The following CENPK variants were observed in gnomAD, a reference collection of about 807,000 sequenced individuals.
The protein encoded by CENPK is centromere protein K, also known as SoxLZ/Sox6-binding protein Solt.
CENPK carries 46 observed loss-of-function variants against 40.9 expected under a neutral mutation model. The observed-to-expected ratio is 1.13, with a 90% CI of 0.89 to 1.44. The LOEUF (loss-of-function observed/expected upper bound fraction) is 1.44, where lower values mean the gene tolerates loss of function less well. Among genes scored for constraint, CENPK ranks in the 40% most tolerant of loss-of-function variants. The pLI, the probability that CENPK is intolerant of heterozygous loss-of-function variation, is 0.00. For synonymous variants in CENPK, 107 were observed against 104.4 expected (o/e 1.02, Z -0.15); for missense variants, 288 against 303.5 (o/e 0.95, Z 0.38).
Position 65,529,200 on chromosome 5 carries a change from C to T in CENPK, c.289-1G>A, listed in dbSNP as rs761154317. On this transcript the variant is annotated splice_acceptor_variant, in intron 6 of 10. Coordinates refer to ENST00000396679, the MANE Select transcript of CENPK (RefSeq NM_022145.5). LOFTEE classifies it high-confidence loss of function. ...CAAGATCTTGTCTCAGCTTTTGGAACTAGAATAAAATAATTCAAATTAATT... is the reference window on the plus strand; with the variant it reads ...CAAGATCTTGTCTCAGCTTTTGGAATTAGAATAAAATAATTCAAATTAATT... 2.5e-6 allele frequency: 4 copies of T among 1,590,248 alleles called. No individual in the cohort carries two copies. The highest frequency in any genetic ancestry group is 3.4e-6 in the Non-Finnish European group (4 of 1,162,830).
At chr5:65,524,191 C>T (rs1056874379) in intron 9 of CENPK, among the ~76,000 whole-genome samples, 5 of 149,160 alleles carry the variant, frequency 3.4e-5, no homozygotes, top group East Asian at 2.0e-4. Context: ...CTGGCTTACA[C>T]GGTGAAACCC....
chr5:65,508,582 C>G, the CENPK span, among the ~76,000 whole-genome samples: 1 of 151,962 alleles, frequency 6.6e-6, no homozygotes, highest in South Asian at 2.1e-4. Flanking sequence ...GTCAGGAGTT[C>G]GACACCAGCC....
At chr5:65,543,538 T>C (rs138903646) in intron 5 of CENPK, among the ~76,000 whole-genome samples, 1 of 152,290 alleles carries the variant, frequency 6.6e-6, no homozygotes, top group Admixed American at 6.5e-5. Context: ...ATTATATTCA[T>C]CTTACTTTCA....
At chr5:65,537,477 T>C (rs1359732212) in intron 6 of CENPK, among the ~76,000 whole-genome samples, 1 of 152,068 alleles carries the variant, frequency 6.6e-6, no homozygotes, top group Non-Finnish European at 1.5e-5. Context: ...GCTAATTTTT[T>C]TGTATTTTAG....
intron 6 of CENPK, among the ~76,000 whole-genome samples, chr5:65,534,343 T>A (rs991629696): frequency 1.3e-5 from 2 of 152,146 alleles, no homozygotes; most frequent in African/African-American, 4.8e-5. Context: ...CAATCAAAGT[T>A]CCAGCTTTTT....
the CENPK span, among the ~76,000 whole-genome samples, chr5:65,507,133 C>A: frequency 7.2e-5 from 11 of 152,058 alleles, no homozygotes; most frequent in Non-Finnish European, 1.6e-4. Flanking sequence ...CAGATTTGGC[C>A]ATGGCAAGCT....
At chr5:65,528,773 T>C (rs1433550714) in intron 8 of CENPK, 146 bp downstream of exon 8, 1 of 902,716 alleles carries the variant, frequency 1.1e-6, no homozygotes, top group East Asian at 2.8e-5. Context: ...AAGTCACCCA[T>C]AAAAGATCAT....
chr5:65,531,216 T>C lies in CENPK; in HGVS notation c.289-2017A>G, dbSNP rs534724155. On this transcript the variant is annotated intron_variant, in intron 6 of 10. Coordinates refer to ENST00000396679, the MANE Select transcript of CENPK (RefSeq NM_022145.5). Reference sequence around the variant, plus strand: ...TAACATAGCTTTCAATGCAATCATATTGATTATATTAAATATGGTCTAACA... The same window carrying C: ...TAACATAGCTTTCAATGCAATCATACTGATTATATTAAATATGGTCTAACA... 5.4e-5 allele frequency among the ~76,000 whole-genome samples: 8 copies of C among 149,480 alleles called. No individual in the cohort carries two copies. The East Asian group carries it at 1.4e-3, about 27-fold the overall frequency.
At chr5:65,533,375 T>TAAATAAATAAATAAAAA (rs1746255576) in intron 6 of CENPK, among the ~76,000 whole-genome samples, 2 of 74,336 alleles carry the variant, frequency 2.7e-5, no homozygotes, top group Non-Finnish European at 5.6e-5. Context: ...ATAAATAAAA[T>TAAATAAATAAATAAAAA]AACAAAATAA....
At chr5:65,536,502 C>T (rs955004136) in intron 6 of CENPK, among the ~76,000 whole-genome samples, 1 of 152,080 alleles carries the variant, frequency 6.6e-6, no homozygotes. Flanking sequence ...GTGGCACACA[C>T]CTGTACTCCT....
the CENPK span, among the ~76,000 whole-genome samples, chr5:65,507,220 A>T: frequency 6.6e-6 from 1 of 152,204 alleles, no homozygotes. Flanking sequence ...GAACAAGAGA[A>T]GCCACTTCCT....
chr5:65,515,678 T>C (rs1406083077), downstream of CENPK, among the ~76,000 whole-genome samples: 2 of 152,232 alleles, frequency 1.3e-5, no homozygotes, highest in East Asian at 1.9e-4. Flanking sequence ...GTCAAAGACA[T>C]AGCTTCTATG....
chr5:65,540,497 G>C (rs1190685474), intron 6 of CENPK, among the ~76,000 whole-genome samples: 1 of 152,108 alleles, frequency 6.6e-6, no homozygotes, highest in Non-Finnish European at 1.5e-5. Flanking sequence ...CATCAGGATG[G>C]GGGCTGGTCA....
chr5:65,521,478 T>G lies in CENPK; in HGVS notation c.648A>C (p.Leu216Phe). Reference protein sequence around the residue: ...SVNLITLHEMLEILINRLFDV... With the variant: ...SVNLITLHEMFEILINRLFDV... ...ACAAACTACACAAAACACTTACCTC[T>G]AACATTTCATGCAGTGTTATCAGGT... The change falls in exon 10 of 11, where the codon TTA becomes TTC. Residue 216 changes from leucine (L) to phenylalanine (F), a missense_variant. Coordinates refer to ENST00000396679, the MANE Select transcript of CENPK (RefSeq NM_022145.5). 6.2e-7 allele frequency: 1 copy of G among 1,608,890 alleles called. No individual in the cohort carries two copies. Among genetic ancestry groups the G allele is most frequent in the South Asian group, 1.1e-5 (1 of 90,566 alleles).
chr5:65,507,950 T>A, the CENPK span, among the ~76,000 whole-genome samples: 1 of 152,210 alleles, frequency 6.6e-6, no homozygotes, highest in African/African-American at 2.4e-5. Flanking sequence ...TTGTCTGACA[T>A]TTTCTCATGA....
chr5:65,553,804 GCTTT>G (rs1331385335), intron 3 of CENPK, among the ~76,000 whole-genome samples: 3 of 152,164 alleles, frequency 2.0e-5, no homozygotes, highest in African/African-American at 7.2e-5. Flanking sequence ...CTTCCTAAAT[GCTTT>G]CTATCTGTAG....
chr5:65,529,064 A>C (rs1745259300), intron 7 of CENPK, 47 bp from the exon 8 acceptor site: 1 of 1,544,844 alleles, frequency 6.5e-7, no homozygotes, highest in African/African-American at 1.4e-5. Flanking sequence ...ATAAAACTTT[A>C]AATGTCACTT....
chr5:65,559,629 AG>A (rs67919613), intron 2 of CENPK, among the ~76,000 whole-genome samples: 72,681 of 136,142 alleles, frequency 0.53, 19,827 homozygotes, highest in African/African-American at 0.57. Flanking sequence ...ACTCCGTCTC[AG>A]AAAAAAAAAA....
chr5:65,507,172 G>A, the CENPK span, among the ~76,000 whole-genome samples: 2 of 152,210 alleles, frequency 1.3e-5, no homozygotes, highest in South Asian at 4.2e-4. Context: ...TGACTAAGCA[G>A]TTCCAGATGT....
Sources: allele counts gnomAD v4.1 joint callset (sites outside exome capture counted in the v4.1 genomes callset), GRCh38; gene constraint gnomAD v4.1.1; transcripts MANE v1.5; gene names NCBI Gene and HGNC (gene_info 2026-07-23, HGNC 2026-07-21).